The following PLEKHA7 variants were observed in gnomAD, a reference collection of about 807,000 sequenced individuals.
The protein encoded by PLEKHA7 is pleckstrin homology domain-containing family A member 7.
In PLEKHA7, 104 loss-of-function variants were observed where a neutral mutation model predicts 170.0. The ratio of observed to expected loss-of-function variants is 0.61; its 90% confidence interval spans 0.52 to 0.72. The LOEUF is 0.72. PLEKHA7 is among the 30% of genes least tolerant of loss of function. The probability of loss-of-function intolerance (pLI) is 0.00; values close to 1 mark genes in which losing one functional copy is unlikely to be tolerated. For missense variants in PLEKHA7, 1,615 were observed against 1,671.7 expected (o/e 0.97, Z 0.59); for synonymous variants, 648 against 660.8 (o/e 0.98, Z 0.30).
Position 16,783,749 on chromosome 11 carries a change from C to G in PLEKHA7, c.3601G>C (p.Ala1201Pro). 7 of 1,508,402 alleles carry G rather than the reference C, an allele frequency of 4.6e-6. No homozygotes were observed. Among genetic ancestry groups the G allele is most frequent in the Non-Finnish European group, 6.2e-6 (7 of 1,133,564 alleles). 93.4% of individuals were successfully genotyped at this position (1,508,402 alleles called of 1,614,324 possible). A position where few individuals can be genotyped will look rare whatever the true frequency, so the allele number is the denominator to read the frequency against. Residue 1201 changes from alanine (A) to proline (P), a missense_variant, in exon 25 of 27, where the codon GCG becomes CCG. Transcript: ENST00000531066. ...EEPPSLEELQ[A>P]RYRKAEKIRN... Reference sequence around the variant, plus strand: ...ATCTTCTCGGCTTTGCGGTACCGCGCCTGCAGCTCCTCAAGGCTGGGTGGC... The same window carrying G: ...ATCTTCTCGGCTTTGCGGTACCGCGGCTGCAGCTCCTCAAGGCTGGGTGGC...
chr11:16,942,945 T>G (rs1373080819), intron 3 of PLEKHA7, among the ~76,000 whole-genome samples: 1 of 152,220 alleles, frequency 6.6e-6, no homozygotes, highest in Non-Finnish European at 1.5e-5. Context: ...TAAACAACAA[T>G]GCTAACGCTC....
intron 3 of PLEKHA7, among the ~76,000 whole-genome samples, chr11:16,982,833 G>GGAGAGA (rs113873924): frequency 3.2e-4 from 47 of 148,940 alleles, no homozygotes; most frequent in Middle Eastern, 7.0e-3. Context: ...AGAGAGAGAG[G>GGAGAGA]GAGAGAGAGA....
intron 4 of PLEKHA7, among the ~76,000 whole-genome samples, chr11:16,860,914 G>A (rs1853893448): frequency 6.6e-6 from 1 of 152,182 alleles, no homozygotes; most frequent in South Asian, 2.1e-4. Context: ...TGCAAATTAA[G>A]TGGAAACCAC....
intron 6 of PLEKHA7, among the ~76,000 whole-genome samples, chr11:16,853,351 G>C (rs1853145579): frequency 6.6e-6 from 1 of 152,192 alleles, no homozygotes; most frequent in African/African-American, 2.4e-5. Context: ...AATGTAACTT[G>C]ATGATTTCAA....
At chr11:16,825,683 A>G (rs1850578953) in intron 10 of PLEKHA7, among the ~76,000 whole-genome samples, 1 of 152,272 alleles carries the variant, frequency 6.6e-6, no homozygotes, top group East Asian at 1.9e-4. Flanking sequence ...GCACTTCTGT[A>G]TGTGCCTGGA....
At chr11:16,858,959 A>G (rs1853705874) in intron 4 of PLEKHA7, among the ~76,000 whole-genome samples, 1 of 152,200 alleles carries the variant, frequency 6.6e-6, no homozygotes, top group Non-Finnish European at 1.5e-5. Flanking sequence ...AGTGAGGGGC[A>G]AGGAGTGCGG....
Position 16,791,232 on chromosome 11 carries a change from C to A in PLEKHA7, c.2746-33G>T. 6.5e-7 allele frequency: 1 copy of A among 1,544,740 alleles called. No homozygotes were observed. The stretch of plus-strand genomic sequence containing the variant: ...GAAAGAGAACCAGACCAGTGGTCAG[C>A]GAGACGGAGCTGGAGGGAGGACTGC... On this transcript the variant is annotated intron_variant, in intron 19 of 26. Transcript: ENST00000531066. The surrounding 1 kb of genome is among the most constrained non-coding windows in gnomAD (Gnocchi z 4.5).
intron 3 of PLEKHA7, among the ~76,000 whole-genome samples, chr11:16,922,295 A>AAATCCTTTAC (rs1266036924): frequency 6.6e-6 from 1 of 152,238 alleles, no homozygotes; most frequent in African/African-American, 2.4e-5. Flanking sequence ...GTACTGCATT[A>AAATCCTTTAC]AATCCTTTAC....
rs933468065 is a variant in PLEKHA7, at chr11:16,780,989, G to A, written c.3793+1765C>T. ...GTAGTGGAGTCCGTTGGTAAAAGGG[G>A]GGTAAGGTGGCACCGTCCTGGAAGA... On this transcript the variant is annotated intron_variant, in intron 26 of 26. Coordinates refer to ENST00000531066, the MANE Select transcript of PLEKHA7 (RefSeq NM_001329630.2). 3.0e-6 allele frequency: 3 copies of A among 986,076 alleles called. No individual in the cohort carries two copies. The African/African-American group carries it at 5.2e-5, about 17-fold the overall frequency. The allele number at this position is 986,076 out of a possible 1,614,324, so 61.1% of individuals were successfully genotyped here.
chr11:16,934,893 AG>A (rs1860179967), intron 3 of PLEKHA7, among the ~76,000 whole-genome samples: 1 of 152,242 alleles, frequency 6.6e-6, no homozygotes, highest in African/African-American at 2.4e-5. Flanking sequence ...AGTAAAAAAA[AG>A]AGTCTGGTTA....
intron 19 of PLEKHA7, among the ~76,000 whole-genome samples, chr11:16,793,941 T>C (rs1848032238): frequency 6.6e-6 from 1 of 150,780 alleles, no homozygotes; most frequent in African/African-American, 2.4e-5. Context: ...ATGTCAACAA[T>C]TTAGGCTCTT....
At chr11:16,838,245 T>C (rs1165404612) in intron 9 of PLEKHA7, among the ~76,000 whole-genome samples, 2 of 152,114 alleles carry the variant, frequency 1.3e-5, no homozygotes, top group Admixed American at 6.5e-5. Context: ...TGGTGGCTGG[T>C]GACTGTCATC....
At chr11:16,949,706 C>T (rs1237043629) in intron 3 of PLEKHA7, among the ~76,000 whole-genome samples, 2 of 152,122 alleles carry the variant, frequency 1.3e-5, no homozygotes, top group South Asian at 2.1e-4. Context: ...GGATCTTACC[C>T]TGAGAGTCTA....
At chr11:16,919,906 T>C (rs1042170896) in intron 3 of PLEKHA7, among the ~76,000 whole-genome samples, 30 of 151,940 alleles carry the variant, frequency 2.0e-4, no homozygotes, top group African/African-American at 6.8e-4. Flanking sequence ...CAAAGGACTT[T>C]GACTTTGAGC....
Position 17,014,209 on chromosome 11 carries a change from C to G in PLEKHA7, c.87-8G>C. ...GTGCAGCGGAGCTGGTCACTGCGGG[C>G]AGAGAGGTGCACCTGTTAGCGCCGC... On this transcript the variant is annotated splice_polypyrimidine_tract_variant and splice_region_variant and intron_variant, in intron 1 of 26. Coordinates refer to ENST00000531066, the MANE Select transcript of PLEKHA7 (RefSeq NM_001329630.2). The G allele has an allele frequency of 1.3e-6, 2 of 1,568,570 alleles. No homozygotes were observed. Among genetic ancestry groups the G allele is most frequent in the Non-Finnish European group, 1.7e-6 (2 of 1,161,612 alleles).
chr11:16,945,214 G>C (rs963282463), intron 3 of PLEKHA7, among the ~76,000 whole-genome samples: 1 of 152,234 alleles, frequency 6.6e-6, no homozygotes. Context: ...GGAATAACAA[G>C]TGTGAGCCAC....
chr11:16,795,531 T>C (rs886274457), intron 17 of PLEKHA7, among the ~76,000 whole-genome samples: 2 of 152,152 alleles, frequency 1.3e-5, no homozygotes, highest in African/African-American at 4.8e-5. Flanking sequence ...ATGGCTCTTG[T>C]CTGTTATCCC....
At chr11:16,929,919 A>T (rs1261125542) in intron 3 of PLEKHA7, among the ~76,000 whole-genome samples, 1 of 151,478 alleles carries the variant, frequency 6.6e-6, no homozygotes, top group Non-Finnish European at 1.5e-5. Context: ...CAGGAGAATC[A>T]CTCGAACCCG....
chr11:16,903,172 C>A (rs111735493), intron 3 of PLEKHA7, among the ~76,000 whole-genome samples: 2 of 152,138 alleles, frequency 1.3e-5, no homozygotes, highest in African/African-American at 4.8e-5. Flanking sequence ...TTTAGAAAAG[C>A]GAGAATAACT....
Sources: gnomAD v4.1 joint callset for allele counts (sites outside exome capture counted in the v4.1 genomes callset) on GRCh38, gnomAD v4.1.1 for gene constraint, Gnocchi (gnomAD v3.1) non-coding constraint, MANE v1.5 for transcripts, NCBI Gene and HGNC (gene_info 2026-07-23, HGNC 2026-07-21) for gene names.